C12orf56: variants seen among roughly 807,000 people sequenced by gnomAD.
C12orf56 encodes the protein chromosome 12 open reading frame 56.
In C12orf56, 71 loss-of-function variants were observed where a neutral mutation model predicts 69.9. The observed-to-expected ratio is 1.02, with a 90% confidence interval of 0.84 to 1.24. C12orf56 has a LOEUF of 1.24. C12orf56 is among the 50% of genes most tolerant of loss of function. The probability of loss-of-function intolerance (pLI) is 0.00; values close to 1 mark genes in which losing one functional copy is unlikely to be tolerated. For synonymous variants in C12orf56, 276 were observed against 274.1 expected (o/e 1.01, Z -0.07); for missense variants, 732 against 738.5 (o/e 0.99, Z 0.10).
intron 3 of C12orf56, among the ~76,000 whole-genome samples, chr12:64,328,727 A>AGG (rs1256276474): frequency 0.036 from 3,428 of 95,298 alleles, 374 homozygotes; most frequent in Non-Finnish European, 0.054. Context: ...ATATATATAT[A>AGG]TATATATATA....
chr12:64,277,912 T>C, intron 8 of C12orf56, 109 bp from the exon 9 acceptor site: 5 of 859,684 alleles, frequency 5.8e-6, no homozygotes, highest in Non-Finnish European at 8.1e-6. Flanking sequence ...AATGAAGCAT[T>C]GCAGACCATC....
At chr12:64,307,368 CTTTTTTTTTTT>C (rs748644044) in intron 5 of C12orf56, among the ~76,000 whole-genome samples, 2 of 115,264 alleles carry the variant, frequency 1.7e-5, no homozygotes, top group African/African-American at 6.6e-5. Context: ...ATAGTCAGTC[CTTTTTTTTTTT>C]TTTTTTTTGA....
intron 3 of C12orf56, among the ~76,000 whole-genome samples, chr12:64,330,216 G>A (rs1347126349): frequency 1.3e-5 from 2 of 152,080 alleles, no homozygotes; most frequent in African/African-American, 4.8e-5. Flanking sequence ...CATTCTCATG[G>A]CCAAAACTTT....
intron 12 of C12orf56, chr12:64,267,538 C>A (rs1367031988): frequency 8.5e-6 from 4 of 470,596 alleles, no homozygotes; most frequent in Admixed American, 8.0e-5. Flanking sequence ...ACTGTCCTCA[C>A]CACAGTATGA....
chr12:64,362,567 C>T (rs889116883), intron 1 of C12orf56, among the ~76,000 whole-genome samples: 4 of 152,108 alleles, frequency 2.6e-5, no homozygotes, highest in Non-Finnish European at 5.9e-5. Flanking sequence ...TTTTGGGTGC[C>T]TGTAATCTCA....
rs759258807 is a variant in C12orf56 at position 64,274,855 on chromosome 12, T to G, written c.1584+46A>C. On this transcript the variant is annotated intron_variant, in intron 11 of 12. Transcript: ENST00000543942. ...ATTAATTAAGCACAAGAGTATCTGT[T>G]TAATTAGGCTTGGGGGTGATTTCGT... 79 of 1,444,478 alleles carry G rather than the reference T, an allele frequency of 5.5e-5. 1 individual carries two copies. In the Admixed American group the frequency reaches 1.2e-3, roughly 23 times the overall value. The allele number at this position is 1,444,478 out of a possible 1,614,324, so 89.5% of individuals were successfully genotyped here. A position where few individuals can be genotyped will look rare whatever the true frequency, so the allele number is the denominator to read the frequency against.
At chr12:64,390,049 G>A (rs911359132) in intron 1 of C12orf56, among the ~76,000 whole-genome samples, 3 of 152,128 alleles carry the variant, frequency 2.0e-5, no homozygotes, top group South Asian at 2.1e-4. Flanking sequence ...TAGGGAGCTC[G>A]GTTCTCAAAC....
intron 1 of C12orf56, among the ~76,000 whole-genome samples, chr12:64,385,444 A>G (rs2039776624): frequency 6.6e-6 from 1 of 152,218 alleles, no homozygotes. Flanking sequence ...TAAATGTGAC[A>G]TATGTCAGGA....
chr12:64,346,360 C>T (rs1428747603), intron 2 of C12orf56, among the ~76,000 whole-genome samples: 1 of 152,158 alleles, frequency 6.6e-6, no homozygotes, highest in Non-Finnish European at 1.5e-5. Context: ...TCACTGGCAG[C>T]TGATTAGATT....
At chr12:64,352,103 T>G (rs2039232289) in intron 2 of C12orf56, among the ~76,000 whole-genome samples, 1 of 69,492 alleles carries the variant, frequency 1.4e-5, no homozygotes, top group African/African-American at 4.1e-5. Context: ...GTTTTTGTTT[T>G]TTTTTTTTTT....
intron 8 of C12orf56, 28 bp downstream of exon 8, chr12:64,284,636 G>T: frequency 6.5e-7 from 1 of 1,531,880 alleles, no homozygotes; most frequent in South Asian, 1.2e-5. Context: ...GCAACTACAA[G>T]GTCCCAATGT....
intron 8 of C12orf56, among the ~76,000 whole-genome samples, chr12:64,283,143 A>G (rs1032027604): frequency 6.1e-5 from 9 of 146,472 alleles, no homozygotes; most frequent in African/African-American, 2.3e-4. Flanking sequence ...GCGCTGTCTC[A>G]AAAAAAAAAG....
At chr12:64,338,208 C>G in intron 2 of C12orf56, 1 of 579,410 alleles carries the variant, frequency 1.7e-6, no homozygotes, top group African/African-American at 1.9e-5. Context: ...TTGCCCTGAA[C>G]AAGCCCCCCG....
At chr12:64,331,961 A>AG (rs397727063) in intron 2 of C12orf56, among the ~76,000 whole-genome samples, 1 of 151,186 alleles carries the variant, frequency 6.6e-6, no homozygotes, top group Non-Finnish European at 1.5e-5. Flanking sequence ...AAAAAAAAAA[A>AG]GAAGGAAAAA....
chr12:64,351,940 C>T (rs993663900), intron 2 of C12orf56, among the ~76,000 whole-genome samples: 2 of 151,826 alleles, frequency 1.3e-5, no homozygotes, highest in Non-Finnish European at 1.5e-5. Context: ...AATTGTATCT[C>T]TGTACTACAG....
chr12:64,304,723 G>A (rs2038489147), intron 5 of C12orf56, among the ~76,000 whole-genome samples: 1 of 152,152 alleles, frequency 6.6e-6, no homozygotes, highest in Admixed American at 6.6e-5. Context: ...GAGGTGGCCG[G>A]CTCTGGCCTG....
chr12:64,300,622 T>C (rs2038431032), intron 6 of C12orf56, among the ~76,000 whole-genome samples: 1 of 152,192 alleles, frequency 6.6e-6, no homozygotes, highest in South Asian at 2.1e-4. Flanking sequence ...ACAATCTTTA[T>C]GTCCTCACAT....
chr12:64,387,077 C>CAAAA lies in C12orf56; in HGVS notation c.252+3233_252+3236dup, dbSNP rs869290282. Among the ~76,000 whole-genome samples, 218 of 42,110 alleles carry CAAAA rather than the reference C, an allele frequency of 5.2e-3. 39 individuals are homozygous for CAAAA. The highest frequency in any genetic ancestry group is 0.012 in the African/African-American group (110 of 9,154). The allele number at this position is 42,110 out of a possible 152,430, so 27.6% of individuals were successfully genotyped here. On this transcript the variant is annotated intron_variant, in intron 1 of 12. Coordinates refer to ENST00000543942, the MANE Select transcript of C12orf56 (RefSeq NM_001170633.2). The stretch of plus-strand genomic sequence containing the variant: ...TGGGTAACAGAGCGAGACTCTATCT[C>CAAAA]AAAAAAAAAAAAAAAAAAAAAAAAA...
At chr12:64,280,438 G>A (rs2038106958) in intron 8 of C12orf56, among the ~76,000 whole-genome samples, 1 of 152,154 alleles carries the variant, frequency 6.6e-6, no homozygotes, top group South Asian at 2.1e-4. Context: ...TCCTAAGTCA[G>A]TCCATGTTAT....
Sources: gnomAD v4.1 joint callset for allele counts (sites outside exome capture counted in the v4.1 genomes callset) on GRCh38, gnomAD v4.1.1 for gene constraint, MANE v1.5 for transcripts, NCBI Gene and HGNC (gene_info 2026-07-23, HGNC 2026-07-21) for gene names.